Variants in TFDP1 observed in about 807,000 individuals in gnomAD.
TFDP1 encodes transcription factor Dp-1.
Under a neutral mutation model 48.0 loss-of-function variants are expected in TFDP1, and 6 were observed. The observed-to-expected ratio is 0.13, with a 90% CI of 0.07 to 0.25. The LOEUF (loss-of-function observed/expected upper bound fraction) is 0.25. Among genes scored for constraint, TFDP1 ranks in the 10% least tolerant of loss-of-function variants. The probability of loss-of-function intolerance (pLI) is 1.00; values close to 1 mark genes in which losing one functional copy is unlikely to be tolerated. For synonymous variants in TFDP1, 201 were observed against 211.6 expected (o/e 0.95, Z 0.44); for missense variants, 335 against 543.0 (o/e 0.62, Z 3.81).
intron 2 of TFDP1, among the ~76,000 whole-genome samples, chr13:113,590,880 G>T (rs2048122910): frequency 1.3e-5 from 2 of 151,852 alleles, no homozygotes; most frequent in Non-Finnish European, 2.9e-5. Flanking sequence ...CATGGTGGTG[G>T]GCGCCTGTAG....
intron 8 of TFDP1, 150 bp downstream of exon 8, chr13:113,634,752 T>G: frequency 3.1e-6 from 2 of 648,784 alleles, no homozygotes; most frequent in Non-Finnish European, 5.4e-6. Flanking sequence ...TCATAGGTGT[T>G]GAACGTGGGC....
rs544426986 is a variant in TFDP1, at chr13:113,633,471, C to A, written c.474+186C>A. Among the ~76,000 whole-genome samples, 2 of 152,106 alleles carry A rather than the reference C, an allele frequency of 1.3e-5. No homozygotes were observed. Among genetic ancestry groups the A allele is most frequent in the East Asian group, 3.9e-4 (2 of 5,170 alleles). On this transcript the variant is annotated intron_variant, in intron 6 of 11. Coordinates refer to ENST00000375370, the MANE Select transcript of TFDP1 (RefSeq NM_007111.5). The surrounding 1 kb of genome is among the most constrained non-coding windows in gnomAD (Gnocchi z 4.5). ...GAGAGGCTGGGGTGGCGGAGCCCAG[C>A]GGTGTGGTACGTTTCGCTCTTTTAA... is the stretch of plus-strand genomic sequence containing the variant.
At chr13:113,597,694 G>C (rs1021689136) in intron 2 of TFDP1, among the ~76,000 whole-genome samples, 1 of 152,226 alleles carries the variant, frequency 6.6e-6, no homozygotes, top group Non-Finnish European at 1.5e-5. Context: ...GACGAAATTA[G>C]GAGCACCTCA....
At chr13:113,630,155 GCACACACACACA>G (rs3076650) in intron 4 of TFDP1, among the ~76,000 whole-genome samples, 1 of 149,110 alleles carries the variant, frequency 6.7e-6, no homozygotes, top group Non-Finnish European at 1.5e-5. Context: ...TGCCCCAGCA[GCACACACACACA>G]CACACACACA....
At chr13:113,608,071 G>A (rs899369069) in intron 2 of TFDP1, among the ~76,000 whole-genome samples, 1 of 152,144 alleles carries the variant, frequency 6.6e-6, no homozygotes, top group Admixed American at 6.5e-5. Context: ...GGCCCTGGGC[G>A]GGGCTCCTCT....
intron 4 of TFDP1, among the ~76,000 whole-genome samples, chr13:113,624,741 G>A (rs2049086372): frequency 7.6e-6 from 1 of 132,110 alleles, no homozygotes; most frequent in Admixed American, 8.0e-5. Flanking sequence ...TCTCTCAGGT[G>A]TCTCTCAGGA....
chr13:113,636,795 T>C, intron 10 of TFDP1, 95 bp downstream of exon 10: 4 of 1,438,010 alleles, frequency 2.8e-6, no homozygotes, highest in Non-Finnish European at 3.7e-6. Flanking sequence ...TGTGTCTTGC[T>C]GAGATCAGGC....
intron 2 of TFDP1, 115 bp from the exon 3 acceptor site, chr13:113,610,881 C>T: frequency 1.1e-6 from 1 of 936,344 alleles, no homozygotes; most frequent in Non-Finnish European, 1.7e-6. Flanking sequence ...TAACTGTGGT[C>T]CTTCTGCCTT....
At chr13:113,587,559 A>G (rs1305873917) in intron 2 of TFDP1, among the ~76,000 whole-genome samples, 5 of 137,024 alleles carry the variant, frequency 3.6e-5, no homozygotes, top group African/African-American at 1.1e-4. Context: ...ATCTTGGCTC[A>G]CTGCAACCTC....
chr13:113,640,221 A>G lies in TFDP1; in HGVS notation c.1187A>G (p.Asp396Gly), dbSNP rs146824402. 1.9e-6 allele frequency: 3 copies of G among 1,613,354 alleles called. No homozygotes were observed. Among genetic ancestry groups the G allele is most frequent in the African/African-American group, 1.3e-5 (1 of 74,898 alleles). The stretch of plus-strand genomic sequence containing the variant: ...ACTCCGGTGTCCTACGTCGGGGAGG[A>G]CGACGAGGAGGACGATGACTTCAAC... ...VETPVSYVGEDDEEDDDFNEN... is the reference protein window; with the variant it reads ...VETPVSYVGEGDEEDDDFNEN... Residue 396 changes from aspartate (D) to glycine (G), a missense_variant, in exon 12 of 12, where the codon GAC becomes GGC. Coordinates refer to ENST00000375370, the MANE Select transcript of TFDP1 (RefSeq NM_007111.5).
intron 3 of TFDP1, among the ~76,000 whole-genome samples, chr13:113,614,820 G>A (rs1022118729): frequency 2.6e-5 from 4 of 152,224 alleles, no homozygotes; most frequent in Non-Finnish European, 5.9e-5. Context: ...CCGTCAGGGC[G>A]GAACCTGCAG....
At position 113,627,352 on chromosome 13, in the gene TFDP1, G is replaced by T. The variant is rs554957582; in HGVS notation, c.186+4066G>T. ...GACAGAGGACATATGTGCTCAGCCG[G>T]CAGGAGCAGCGGCCTGTGTGAGCCC... On this transcript the variant is annotated intron_variant, in intron 4 of 11. Coordinates refer to ENST00000375370, the MANE Select transcript of TFDP1 (RefSeq NM_007111.5). This position sits in a 1 kb window ranked among gnomAD's most constrained non-coding sequence, Gnocchi z 4.1. 1.1e-4 allele frequency among the ~76,000 whole-genome samples: 16 copies of T among 152,312 alleles called. No individual in the cohort carries two copies. Among genetic ancestry groups the T allele is most frequent in the Non-Finnish European group, 2.4e-4 (16 of 68,034 alleles).
intron 3 of TFDP1, among the ~76,000 whole-genome samples, chr13:113,614,325 T>C (rs1418865143): frequency 6.6e-6 from 1 of 152,166 alleles, no homozygotes; most frequent in Non-Finnish European, 1.5e-5. Flanking sequence ...CTGTCTTCAC[T>C]AGTGGGCCCC....
intron 5 of TFDP1, 176 bp downstream of exon 5, chr13:113,631,920 C>T (rs1594526901): frequency 2.4e-6 from 2 of 837,866 alleles, no homozygotes; most frequent in South Asian, 1.9e-5. Flanking sequence ...GCAGCCGAGG[C>T]GCACTGCCTC....
At chr13:113,634,747 G>T in intron 8 of TFDP1, 145 bp downstream of exon 8, 1 of 659,016 alleles carries the variant, frequency 1.5e-6, no homozygotes, top group Non-Finnish European at 2.6e-6. Flanking sequence ...TCATCTCATA[G>T]GTGTTGAACG....
intron 2 of TFDP1, among the ~76,000 whole-genome samples, chr13:113,609,343 C>T (rs1360344753): frequency 1.3e-5 from 2 of 152,154 alleles, no homozygotes; most frequent in Non-Finnish European, 2.9e-5. Flanking sequence ...ACCCACCTCC[C>T]AGCAAGTCCC....
intron 2 of TFDP1, among the ~76,000 whole-genome samples, chr13:113,599,233 A>G (rs2048353973): frequency 6.6e-6 from 1 of 152,092 alleles, no homozygotes; most frequent in Non-Finnish European, 1.5e-5. Flanking sequence ...GGAACGTTTC[A>G]GACACACACA....
Position 113,600,671 on chromosome 13 carries a change from G to A in TFDP1, c.13-10325G>A, listed in dbSNP as rs561679136. Among the ~76,000 whole-genome samples, 14 of 141,990 alleles carry A rather than the reference G, an allele frequency of 9.9e-5. No homozygotes were observed. The East Asian group carries it at 1.1e-3, about 11-fold the overall frequency. 93.2% of individuals were successfully genotyped at this position (141,990 alleles called of 152,430 possible). On this transcript the variant is annotated intron_variant, in intron 2 of 11. Transcript: ENST00000375370. ...CCCTTACACGTAGAGCTCCAGGACC[G>A]TGATAGAGAACTCAGGATGGTGAGA...
At position 113,626,438 on chromosome 13, in the gene TFDP1, T is replaced by C. The variant is rs561041700; in HGVS notation, c.186+3152T>C. On this transcript the variant is annotated intron_variant, in intron 4 of 11. Transcript: ENST00000375370. ...ATATGAGTTTTAAGAGAGAGTGGCT[T>C]GTGGGTCACAGCCTTGAGGATCTGA... 2.2e-4 allele frequency among the ~76,000 whole-genome samples: 33 copies of C among 152,346 alleles called. No individual in the cohort carries two copies. The South Asian group carries it at 6.8e-3, about 32-fold the overall frequency.
Sources: allele counts gnomAD v4.1 joint callset (sites outside exome capture counted in the v4.1 genomes callset), GRCh38; gene constraint gnomAD v4.1.1; non-coding constraint Gnocchi (gnomAD v3.1); transcripts MANE v1.5; gene names NCBI Gene and HGNC (gene_info 2026-07-23, HGNC 2026-07-21).